The following CCSER1 variants were observed in gnomAD, a reference collection of about 807,000 sequenced individuals.
CCSER1 encodes coiled-coil serine rich protein 1.
In CCSER1, 41 loss-of-function variants were observed where a neutral mutation model predicts 82.0. The observed-to-expected ratio is 0.50, with a 90% confidence interval of 0.39 to 0.65. CCSER1 has a LOEUF of 0.65. Ranked by LOEUF, CCSER1 falls within the 30% of genes least tolerant of loss-of-function variation. The pLI is 0.00. For synonymous variants in CCSER1, 414 were observed against 383.9 expected, an observed-to-expected ratio of 1.08 and a Z score of -0.92; for missense variants, 1,119 against 1,064.2, an observed-to-expected ratio of 1.05 and a Z score of -0.72.
intron 9 of CCSER1, among the ~76,000 whole-genome samples, chr4:91,033,153 G>A (rs1212163711): frequency 1.3e-5 from 2 of 152,110 alleles, no homozygotes; most frequent in African/African-American, 4.8e-5. Context: ...CAGGGTCCTG[G>A]CACGAAATAG....
intron 1 of CCSER1, among the ~76,000 whole-genome samples, chr4:90,299,745 T>C (rs1732732556): frequency 1.3e-5 from 2 of 152,264 alleles, no homozygotes; most frequent in East Asian, 1.9e-4. Context: ...GTAGATAGCA[T>C]GGTCTTTCTA....
At chr4:90,746,473 C>G (rs1351036669) in intron 7 of CCSER1, among the ~76,000 whole-genome samples, 1 of 152,156 alleles carries the variant, frequency 6.6e-6, no homozygotes, top group Non-Finnish European at 1.5e-5. Context: ...ATCAGCCTAC[C>G]AAGTTTTCTA....
Position 91,438,413 on chromosome 4 carries a change from G to C in CCSER1, c.2218-160159G>C, listed in dbSNP as rs566550795. Among the ~76,000 whole-genome samples the C allele has an allele frequency of 6.3e-3, 960 of 152,270 alleles. 10 individuals carry two copies. Among genetic ancestry groups the C allele is most frequent in the African/African-American group, 0.022 (927 of 41,548 alleles). ...TCTAGCAAACTCCAACAGACCTGCAGCTGAGGGTCCTGTCTGTTAGAAGGA... is the reference window on the plus strand; with the variant it reads ...TCTAGCAAACTCCAACAGACCTGCACCTGAGGGTCCTGTCTGTTAGAAGGA... On this transcript the variant is annotated intron_variant, in intron 10 of 10. Transcript: ENST00000509176.
intron 6 of CCSER1, among the ~76,000 whole-genome samples, chr4:90,707,539 AT>A (rs201086206): frequency 0.11 from 13,531 of 128,702 alleles, 669 homozygotes; most frequent in African/African-American, 0.17. Context: ...TAAAAAAAAA[AT>A]ATATATATAT....
intron 6 of CCSER1, among the ~76,000 whole-genome samples, chr4:90,713,489 G>A (rs924319215): frequency 6.6e-6 from 1 of 151,874 alleles, no homozygotes; most frequent in Non-Finnish European, 1.5e-5. Context: ...CTTCTGGCTT[G>A]TAGGCTTTCC....
intron 9 of CCSER1, among the ~76,000 whole-genome samples, chr4:91,002,292 C>G (rs531256468): frequency 2.0e-5 from 3 of 152,316 alleles, no homozygotes; most frequent in African/African-American, 4.8e-5. Context: ...ATTTGGATGT[C>G]TAGGTCTCTG....
intron 1 of CCSER1, among the ~76,000 whole-genome samples, chr4:90,287,821 T>G (rs1360799845): frequency 1.3e-5 from 2 of 151,898 alleles, no homozygotes; most frequent in Non-Finnish European, 2.9e-5. Flanking sequence ...ATTTGAAACT[T>G]TATGTATTTA....
intron 3 of CCSER1, among the ~76,000 whole-genome samples, chr4:90,338,803 G>A (rs1229226622): frequency 6.6e-6 from 1 of 152,140 alleles, no homozygotes. Flanking sequence ...ATTCTTGACT[G>A]TTCAGCTATT....
chr4:91,295,506 G>A (rs182104654), intron 10 of CCSER1, among the ~76,000 whole-genome samples: 68 of 151,776 alleles, frequency 4.5e-4, no homozygotes, highest in Admixed American at 4.3e-3. Context: ...CTGAAGAAAC[G>A]TTAATATTTA....
intron 10 of CCSER1, among the ~76,000 whole-genome samples, chr4:91,179,786 G>T (rs1733816082): frequency 6.6e-6 from 1 of 152,138 alleles, no homozygotes; most frequent in Non-Finnish European, 1.5e-5. Flanking sequence ...ATTACAGATT[G>T]TCTGAAGCCT....
At chr4:90,824,395 A>C (rs1388569725) in intron 8 of CCSER1, among the ~76,000 whole-genome samples, 2 of 152,136 alleles carry the variant, frequency 1.3e-5, no homozygotes, top group East Asian at 3.8e-4. Flanking sequence ...AATTGAAGGC[A>C]GTTGAAAAAC....
intron 9 of CCSER1, among the ~76,000 whole-genome samples, chr4:90,963,182 G>A (rs1427315262): frequency 1.3e-5 from 2 of 151,944 alleles, no homozygotes; most frequent in Admixed American, 1.3e-4. Context: ...CTATTTAAAG[G>A]CGTTTGAGGA....
intron 1 of CCSER1, among the ~76,000 whole-genome samples, chr4:90,164,023 TTGC>T (rs1347249716): frequency 6.6e-6 from 1 of 152,146 alleles, no homozygotes; most frequent in African/African-American, 2.4e-5. Flanking sequence ...AGCTGGGTGT[TTGC>T]TGCTGTCTTG....
intron 7 of CCSER1, among the ~76,000 whole-genome samples, chr4:90,727,620 G>A (rs1246671941): frequency 1.3e-5 from 2 of 152,046 alleles, no homozygotes; most frequent in Middle Eastern, 3.4e-3. Flanking sequence ...ACATTTCACT[G>A]TTCTTTAGTA....
intron 1 of CCSER1, among the ~76,000 whole-genome samples, chr4:90,233,838 C>T (rs1326275781): frequency 2.6e-5 from 4 of 151,788 alleles, no homozygotes; most frequent in Non-Finnish European, 5.9e-5. Context: ...ATGAATGATG[C>T]ACTGAGATCT....
At chr4:90,755,055 C>A (rs1390197765) in intron 7 of CCSER1, among the ~76,000 whole-genome samples, 1 of 152,144 alleles carries the variant, frequency 6.6e-6, no homozygotes, top group Admixed American at 6.6e-5. Flanking sequence ...GAGAAAAAAA[C>A]CATACTTGCT....
intron 5 of CCSER1, among the ~76,000 whole-genome samples, chr4:90,554,004 A>G (rs1334587341): frequency 2.0e-5 from 3 of 152,228 alleles, no homozygotes; most frequent in South Asian, 2.1e-4. Context: ...TTTCTTTTCT[A>G]CATATCACAA....
chr4:90,495,449 G>A (rs777773765), intron 5 of CCSER1, among the ~76,000 whole-genome samples: 10 of 152,078 alleles, frequency 6.6e-5, no homozygotes, highest in Non-Finnish European at 1.3e-4. Context: ...CCATCTGCTA[G>A]GCAATTACAG....
intron 9 of CCSER1, among the ~76,000 whole-genome samples, chr4:90,965,823 A>G (rs886289568): frequency 6.6e-6 from 1 of 152,118 alleles, no homozygotes; most frequent in African/African-American, 2.4e-5. Flanking sequence ...AAAAGAACCT[A>G]TTTTATGTAT....
Sources: allele counts gnomAD v4.1 joint callset (sites outside exome capture counted in the v4.1 genomes callset), GRCh38; gene constraint gnomAD v4.1.1; transcripts MANE v1.5; gene names NCBI Gene and HGNC (gene_info 2026-07-23, HGNC 2026-07-21).